L3MBTL4: variants seen among roughly 807,000 people sequenced by gnomAD.
L3MBTL4 encodes the protein L3MBTL histone methyl-lysine binding protein 4.
In L3MBTL4, 70 loss-of-function variants were observed where a neutral mutation model predicts 84.5. The ratio of observed to expected loss-of-function variants is 0.83; its 90% CI spans 0.68 to 1.01. The LOEUF is 1.01. Ranked by LOEUF, L3MBTL4 falls within the 50% of genes least tolerant of loss-of-function variation. The probability of loss-of-function intolerance (pLI) is 0.00; values close to 1 mark genes in which losing one functional copy is unlikely to be tolerated. For synonymous variants in L3MBTL4, 274 were observed against 259.8 expected (o/e 1.05, Z -0.52); for missense variants, 715 against 754.8 (o/e 0.95, Z 0.62).
At chr18:6,230,333 T>G (rs1323880096) in intron 10 of L3MBTL4, among the ~76,000 whole-genome samples, 1 of 152,184 alleles carries the variant, frequency 6.6e-6, no homozygotes, top group East Asian at 1.9e-4. Flanking sequence ...ACATGGGATA[T>G]TCTGTTTTCT....
chr18:6,158,153 T>A (rs1275605989), intron 13 of L3MBTL4, among the ~76,000 whole-genome samples: 1 of 152,220 alleles, frequency 6.6e-6, no homozygotes, highest in Non-Finnish European at 1.5e-5. Context: ...TTTTTGGAAG[T>A]CAGACCATGG....
intron 12 of L3MBTL4, among the ~76,000 whole-genome samples, chr18:6,174,164 C>G (rs944803827): frequency 6.6e-6 from 1 of 151,782 alleles, no homozygotes; most frequent in East Asian, 1.9e-4. Flanking sequence ...AAAAAAACTC[C>G]CACTATATGC....
intron 1 of L3MBTL4, among the ~76,000 whole-genome samples, chr18:6,390,552 G>T (rs1335337396): frequency 2.0e-5 from 3 of 152,050 alleles, no homozygotes; most frequent in African/African-American, 7.2e-5. Context: ...TCTTTGAAAA[G>T]ATAAACAAAA....
intron 1 of L3MBTL4, among the ~76,000 whole-genome samples, chr18:6,337,563 C>G (rs958118658): frequency 6.6e-6 from 1 of 151,912 alleles, no homozygotes; most frequent in African/African-American, 2.4e-5. Context: ...TAACCTAAAG[C>G]ATGGGAAGTC....
intron 16 of L3MBTL4, chr18:6,030,433 C>T (rs1390424537): frequency 1.0e-6 from 1 of 984,350 alleles, no homozygotes; most frequent in Non-Finnish European, 1.2e-6. Context: ...CTGACTTTAT[C>T]ATCAGGTATT....
At chr18:6,038,923 G>A (rs1324201758) in intron 16 of L3MBTL4, among the ~76,000 whole-genome samples, 9 of 152,020 alleles carry the variant, frequency 5.9e-5, no homozygotes, top group African/African-American at 2.2e-4. Context: ...GTTATATGGG[G>A]TCATAAGGGT....
chr18:6,388,706 A>G (rs1599873409), intron 1 of L3MBTL4, among the ~76,000 whole-genome samples: 1 of 152,206 alleles, frequency 6.6e-6, no homozygotes. Context: ...ACATTCATGG[A>G]TATTTGTTTT....
chr18:6,018,177 G>C (rs140484503), intron 16 of L3MBTL4, among the ~76,000 whole-genome samples: 12 of 152,132 alleles, frequency 7.9e-5, no homozygotes, highest in Admixed American at 7.2e-4. Context: ...GTGATTGATC[G>C]GGCAGAGTCC....
At chr18:6,207,008 C>T (rs780583810) in intron 12 of L3MBTL4, among the ~76,000 whole-genome samples, 2 of 152,136 alleles carry the variant, frequency 1.3e-5, no homozygotes, top group Non-Finnish European at 2.9e-5. Context: ...GATTACAGCC[C>T]ACAGGCCAAA....
At chr18:6,342,368 G>A (rs994709633) in intron 1 of L3MBTL4, among the ~76,000 whole-genome samples, 6 of 152,046 alleles carry the variant, frequency 3.9e-5, no homozygotes, top group Admixed American at 1.3e-4. Flanking sequence ...TAAAATATCC[G>A]AATGCAGTAA....
At chr18:5,986,066 C>T (rs1243930508) in intron 16 of L3MBTL4, among the ~76,000 whole-genome samples, 3 of 152,204 alleles carry the variant, frequency 2.0e-5, no homozygotes, top group Middle Eastern at 3.4e-3. Flanking sequence ...AGCAACCAAT[C>T]CACAAAAATT....
chr18:6,044,171 A>G (rs2056519602), intron 16 of L3MBTL4, among the ~76,000 whole-genome samples: 1 of 152,248 alleles, frequency 6.6e-6, no homozygotes, highest in Non-Finnish European at 1.5e-5. Context: ...CCTTGGGAGT[A>G]GGCAAGATTC....
In L3MBTL4 at chr18:6,326,420, G is replaced by A. The variant is rs910150333; in HGVS notation, c.-90-14364C>T. The A allele has an allele frequency of 1.3e-5, 2 of 152,236 alleles. 1 individual carries two copies. The highest frequency in any genetic ancestry group is 4.2e-4 in the South Asian group (2 of 4,818). The allele number at this position is 152,236 out of a possible 1,614,324, so 9.4% of individuals were successfully genotyped here. A position where few individuals can be genotyped will look rare whatever the true frequency, so the allele number is the denominator to read the frequency against. On this transcript the variant is annotated intron_variant, in intron 1 of 18. Transcript: ENST00000317931. ...TGCTGCTGAAGCCCCTGGAATGAGT[G>A]AACTAACTAATTTACCTGTTCCCTT...
intron 17 of L3MBTL4, among the ~76,000 whole-genome samples, chr18:5,963,490 C>CCA (rs2052169787): frequency 6.6e-6 from 1 of 152,212 alleles, no homozygotes; most frequent in East Asian, 1.9e-4. Flanking sequence ...CCTGCCACCT[C>CCA]CACCTCATCC....
At chr18:6,259,380 T>C (rs1051931532) in intron 5 of L3MBTL4, 3 of 152,226 alleles carry the variant, frequency 2.0e-5, no homozygotes, top group African/African-American at 7.2e-5. Flanking sequence ...CAAGTATCTG[T>C]TGTTTTTTGA....
At chr18:6,202,059 G>C (rs979126602) in intron 12 of L3MBTL4, among the ~76,000 whole-genome samples, 2 of 152,124 alleles carry the variant, frequency 1.3e-5, no homozygotes, top group African/African-American at 4.8e-5. Flanking sequence ...GCCAGTCAAA[G>C]GCAGACAACT....
At chr18:6,196,453 G>A (rs113760648) in intron 12 of L3MBTL4, among the ~76,000 whole-genome samples, 15,772 of 152,012 alleles carry the variant, frequency 0.1, 2,264 homozygotes, top group African/African-American at 0.33. Flanking sequence ...CACCGTGCCC[G>A]GCCTAGAGTT....
intron 13 of L3MBTL4, among the ~76,000 whole-genome samples, chr18:6,150,397 C>T (rs901168159): frequency 6.6e-6 from 1 of 151,892 alleles, no homozygotes; most frequent in Non-Finnish European, 1.5e-5. Flanking sequence ...GCATTCTTAA[C>T]AGAAAATGTT....
At chr18:6,377,219 T>C (rs1297974963) in intron 1 of L3MBTL4, among the ~76,000 whole-genome samples, 2 of 152,146 alleles carry the variant, frequency 1.3e-5, no homozygotes, top group Non-Finnish European at 2.9e-5. Context: ...ACTCATCTCG[T>C]TCGAAAGTTA....
Sources: gnomAD v4.1 joint callset for allele counts (sites outside exome capture counted in the v4.1 genomes callset) on GRCh38, gnomAD v4.1.1 for gene constraint, MANE v1.5 for transcripts, NCBI Gene and HGNC (gene_info 2026-07-23, HGNC 2026-07-21) for gene names.